PTPRT: variants seen among roughly 807,000 people sequenced by gnomAD.
PTPRT encodes the protein receptor-type tyrosine-protein phosphatase T.
Under a neutral mutation model 176.8 loss-of-function variants are expected in PTPRT, and 56 were observed. That is an observed-to-expected ratio of 0.32 (90% CI 0.26 to 0.40). The LOEUF (loss-of-function observed/expected upper bound fraction) is 0.40. Among genes scored for constraint, PTPRT ranks in the 10% least tolerant of loss-of-function variants. PTPRT has a pLI of 1.00. For missense variants in PTPRT, 1,540 were observed against 1,908.2 expected (o/e 0.81, Z 3.60); for synonymous variants, 783 against 739.0 (o/e 1.06, Z -0.96).
intron 11 of PTPRT, among the ~76,000 whole-genome samples, chr20:42,325,138 G>C (rs1315558342): frequency 6.6e-6 from 1 of 152,134 alleles, no homozygotes; most frequent in Non-Finnish European, 1.5e-5. Context: ...AGTGAGGGCA[G>C]CAAGAACTCT....
At chr20:42,142,831 C>T (rs186742452) in intron 17 of PTPRT, among the ~76,000 whole-genome samples, 33 of 152,156 alleles carry the variant, frequency 2.2e-4, no homozygotes, top group Non-Finnish European at 7.4e-5. Context: ...TAACTGAAAC[C>T]ATGAAAAACA....
chr20:42,637,908 T>C (rs2074643416), intron 7 of PTPRT, among the ~76,000 whole-genome samples: 1 of 152,114 alleles, frequency 6.6e-6, no homozygotes, highest in Non-Finnish European at 1.5e-5. Flanking sequence ...CTTGCATCTA[T>C]GAAAACACTC....
At chr20:42,501,841 G>A (rs2071755629) in intron 7 of PTPRT, among the ~76,000 whole-genome samples, 1 of 152,030 alleles carries the variant, frequency 6.6e-6, no homozygotes. Flanking sequence ...TTATGTATAA[G>A]TGACATTAAG....
chr20:42,210,888 T>G (rs893231503), intron 15 of PTPRT, among the ~76,000 whole-genome samples: 3 of 152,048 alleles, frequency 2.0e-5, no homozygotes, highest in Admixed American at 6.5e-5. Context: ...CTACCTGACT[T>G]CAAACTATAC....
At chr20:43,013,515 T>C (rs1985229816) in intron 1 of PTPRT, among the ~76,000 whole-genome samples, 1 of 152,046 alleles carries the variant, frequency 6.6e-6, no homozygotes, top group Non-Finnish European at 1.5e-5. Flanking sequence ...AAACAGGTGG[T>C]ACAATAGCTA....
chr20:42,879,012 G>A lies in PTPRT; in HGVS notation c.214+6795C>T, dbSNP rs151286910. On this transcript the variant is annotated intron_variant, in intron 2 of 30. Coordinates refer to ENST00000373187, the MANE Select transcript of PTPRT (RefSeq NM_007050.6). The stretch of plus-strand genomic sequence containing the variant: ...CTACAGCACTCCAGCCCTGGCGACC[G>A]AGCGAGACTCCATCTCAAAAAAACA... Among the ~76,000 whole-genome samples the A allele has an allele frequency of 3.8e-3, 573 of 152,202 alleles. 11 individuals are homozygous for A. The highest frequency in any genetic ancestry group is 0.029 in the Admixed American group (450 of 15,286).
Position 42,814,853 on chromosome 20 carries a change from C to T in PTPRT, c.215-23387G>A, listed in dbSNP as rs1207586992. 4.6e-5 allele frequency among the ~76,000 whole-genome samples: 7 copies of T among 152,202 alleles called. No individual in the cohort carries two copies. The East Asian group carries it at 1.2e-3, about 25-fold the overall frequency. On this transcript the variant is annotated intron_variant, in intron 2 of 30. Coordinates refer to ENST00000373187, the MANE Select transcript of PTPRT (RefSeq NM_007050.6). ...TGCTGAACACCAACATTAGTTTAAA[C>T]ACGCAAGCTTGTGGGAAGAACCCAG...
intron 18 of PTPRT, among the ~76,000 whole-genome samples, chr20:42,130,725 G>A (rs148007701): frequency 2.8e-4 from 43 of 152,264 alleles, no homozygotes; most frequent in South Asian, 2.7e-3. Context: ...TACTAAATGC[G>A]ACTTTTCTTA....
the PTPRT span, among the ~76,000 whole-genome samples, chr20:42,041,066 C>G: frequency 1.3e-5 from 2 of 152,198 alleles, no homozygotes; most frequent in African/African-American, 4.8e-5. Context: ...CTCCTAGCTT[C>G]TAGTACTGAA....
intron 3 of PTPRT, among the ~76,000 whole-genome samples, chr20:42,788,137 C>G (rs1301371795): frequency 2.6e-5 from 4 of 152,014 alleles, no homozygotes; most frequent in Non-Finnish European, 5.9e-5. Flanking sequence ...AAACAAAGGA[C>G]TCTGCTTTTA....
chr20:42,623,314 G>T (rs1267095615), intron 7 of PTPRT, among the ~76,000 whole-genome samples: 1 of 152,170 alleles, frequency 6.6e-6, no homozygotes, highest in South Asian at 2.1e-4. Context: ...ACAACCAGGG[G>T]GCCAGAGGCC....
chr20:42,344,700 A>G (rs1409835892), intron 11 of PTPRT, among the ~76,000 whole-genome samples: 40 of 152,294 alleles, frequency 2.6e-4, no homozygotes, highest in Non-Finnish European at 1.3e-4. Flanking sequence ...GTTTGCTCAG[A>G]GAAGGACAAA....
At chr20:42,813,294 T>G (rs1600776049) in intron 2 of PTPRT, among the ~76,000 whole-genome samples, 1 of 152,152 alleles carries the variant, frequency 6.6e-6, no homozygotes, top group Non-Finnish European at 1.5e-5. Flanking sequence ...GTGAATAATT[T>G]ACCTCTGTTT....
chr20:43,083,330 A>G (rs866277452), intron 1 of PTPRT, among the ~76,000 whole-genome samples: 10,810 of 92,012 alleles, frequency 0.12, 2,189 homozygotes, highest in African/African-American at 0.29. Flanking sequence ...GTATATATAT[A>G]TATATATATA....
At chr20:42,760,646 T>C (rs1264146946) in intron 5 of PTPRT, among the ~76,000 whole-genome samples, 1 of 152,214 alleles carries the variant, frequency 6.6e-6, no homozygotes, top group African/African-American at 2.4e-5. Context: ...ACTGTGTTAA[T>C]GGCTTACATA....
At chr20:43,056,829 A>T (rs921250833) in intron 1 of PTPRT, among the ~76,000 whole-genome samples, 3 of 152,234 alleles carry the variant, frequency 2.0e-5, no homozygotes, top group African/African-American at 7.2e-5. Context: ...TAATTGTTCC[A>T]GGTTTCTGAG....
At chr20:42,775,260 T>C (rs958474092) in intron 4 of PTPRT, among the ~76,000 whole-genome samples, 28 of 152,208 alleles carry the variant, frequency 1.8e-4, no homozygotes, top group African/African-American at 6.5e-4. Context: ...GACATATTAT[T>C]GTGCCCTTTA....
At position 42,106,907 on chromosome 20, in the gene PTPRT, C is replaced by T. The variant is rs756810336; in HGVS notation, c.3269G>A (p.Arg1090Gln). 1.9e-6 allele frequency: 3 copies of T among 1,614,070 alleles called. No individual in the cohort carries two copies. The highest frequency in any genetic ancestry group is 2.5e-6 in the Non-Finnish European group (3 of 1,179,968). Residue 1090 changes from arginine to glutamine, a missense_variant, in exon 24 of 31, where the codon CGG becomes CAG. Arg to Gln is a conservative substitution (Grantham distance 43). Around this residue, in one of 11 missense-constraint regions of PTPRT, gnomAD observed 248 missense variants for 356.7 expected, o/e 0.70. Transcript: ENST00000373187. Reference sequence around the variant, plus strand: ...GTCAATGGCAATGAAGCAGCCAGTCCGCCCAGCCCCAGCACTGGAAGAGAG... The same window carrying T: ...GTCAATGGCAATGAAGCAGCCAGTCTGCCCAGCCCCAGCACTGGAAGAGAG... ...IVVHCSAGAG[R>Q]TGCFIAIDTM...
At chr20:43,112,745 T>A (rs1023713840) in intron 1 of PTPRT, among the ~76,000 whole-genome samples, 1 of 152,232 alleles carries the variant, frequency 6.6e-6, no homozygotes, top group Non-Finnish European at 1.5e-5. Context: ...GCACGATTTT[T>A]ATTAACCCCA....
Sources: allele counts gnomAD v4.1 joint callset (sites outside exome capture counted in the v4.1 genomes callset), GRCh38; gene constraint gnomAD v4.1.1; regional missense constraint gnomAD v4.1.1; transcripts MANE v1.5; gene names NCBI Gene and HGNC (gene_info 2026-07-23, HGNC 2026-07-21).